Variants in AUTS2 observed in about 807,000 individuals in gnomAD.
AUTS2 encodes autism susceptibility gene 2 protein.
AUTS2 carries 17 observed loss-of-function variants against 112.4 expected under a neutral mutation model. The ratio of observed to expected loss-of-function variants is 0.15; its 90% CI spans 0.10 to 0.23. The LOEUF (loss-of-function observed/expected upper bound fraction) is 0.23, where lower values mean the gene tolerates loss of function less well. AUTS2 is among the 10% of genes least tolerant of loss of function. The probability of loss-of-function intolerance (pLI) is 1.00; values close to 1 mark genes in which losing one functional copy is unlikely to be tolerated. For missense variants in AUTS2, 1,510 were observed against 1,701.6 expected (o/e 0.89, Z 1.98); for synonymous variants, 751 against 702.7 (o/e 1.07, Z -1.09).
In AUTS2 at chr7:70,528,374, A is replaced by G. The variant is rs556465893; in HGVS notation, c.690+92593A>G. ...AGAGCACGCTGAGCAGGTACTGCCT[A>G]TGGAAGTACTGACTCTGACTTCAGA... On this transcript the variant is annotated intron_variant, in intron 5 of 18. Transcript: ENST00000342771. Among the ~76,000 whole-genome samples, 69 of 152,242 alleles carry G rather than the reference A, an allele frequency of 4.5e-4. No individual in the cohort carries two copies. The East Asian group carries it at 6.2e-3, about 14-fold the overall frequency.
At chr7:70,535,750 A>G (rs1800291680) in intron 5 of AUTS2, among the ~76,000 whole-genome samples, 1 of 152,198 alleles carries the variant, frequency 6.6e-6, no homozygotes, top group African/African-American at 2.4e-5. Flanking sequence ...GTTATAGGCC[A>G]GTGGTGATCT....
chr7:70,754,137 G>A (rs1299672793), intron 6 of AUTS2, among the ~76,000 whole-genome samples: 1 of 151,992 alleles, frequency 6.6e-6, no homozygotes, highest in Non-Finnish European at 1.5e-5. Context: ...CTCCAGCCTG[G>A]GCGACAGAGC....
intron 1 of AUTS2, among the ~76,000 whole-genome samples, chr7:69,681,831 C>T (rs1409313189): frequency 6.6e-6 from 1 of 152,054 alleles, no homozygotes; most frequent in Non-Finnish European, 1.5e-5. Flanking sequence ...TAAATGTCTC[C>T]TTTTTCTTTT....
At chr7:69,879,120 C>CTGTGTGTGTGTG (rs5884770) in intron 1 of AUTS2, among the ~76,000 whole-genome samples, 12 of 147,818 alleles carry the variant, frequency 8.1e-5, no homozygotes, top group African/African-American at 2.7e-4. Context: ...TTGAGACTTT[C>CTGTGTGTGTGTG]TGTGTGTGTG....
chr7:70,354,766 G>A (rs766137696), intron 4 of AUTS2, among the ~76,000 whole-genome samples: 6 of 152,116 alleles, frequency 3.9e-5, no homozygotes, highest in African/African-American at 9.7e-5. Context: ...ATAAAATAGC[G>A]TAAAATGTCT....
intron 4 of AUTS2, among the ~76,000 whole-genome samples, chr7:70,183,172 G>A (rs1284610017): frequency 6.6e-6 from 1 of 152,062 alleles, no homozygotes; most frequent in Non-Finnish European, 1.5e-5. Context: ...ACTTGATGAT[G>A]TGCAATTTAT....
At chr7:70,609,591 TTG>T (rs1803970992) in intron 5 of AUTS2, among the ~76,000 whole-genome samples, 1 of 137,736 alleles carries the variant, frequency 7.3e-6, no homozygotes, top group African/African-American at 3.1e-5. Context: ...TTTTTTTTTT[TTG>T]TTGTTTTGTT....
chr7:70,066,491 G>C (rs981723983), intron 2 of AUTS2, among the ~76,000 whole-genome samples: 1 of 149,808 alleles, frequency 6.7e-6, no homozygotes, highest in Non-Finnish European at 1.5e-5. Flanking sequence ...TTATGTCCTA[G>C]TAAAAGTTTA....
At chr7:70,617,532 G>T (rs1457326114) in intron 5 of AUTS2, among the ~76,000 whole-genome samples, 1 of 151,986 alleles carries the variant, frequency 6.6e-6, no homozygotes, top group Non-Finnish European at 1.5e-5. Flanking sequence ...GCGTGGTGGC[G>T]GGCGCCTGTA....
At chr7:70,607,719 A>G (rs905252101) in intron 5 of AUTS2, among the ~76,000 whole-genome samples, 1 of 152,252 alleles carries the variant, frequency 6.6e-6, no homozygotes, top group Non-Finnish European at 1.5e-5. Context: ...CCATGTGATT[A>G]AGCTTATATG....
intron 2 of AUTS2, among the ~76,000 whole-genome samples, chr7:70,035,113 C>G (rs982233400): frequency 1.3e-5 from 2 of 152,178 alleles, no homozygotes; most frequent in African/African-American, 4.8e-5. Flanking sequence ...CTATAGAAAA[C>G]AGAACATTTG....
At position 70,582,166 on chromosome 7, in the gene AUTS2, G is replaced by C. The variant is rs537050926; in HGVS notation, c.691-116403G>C. 2.6e-5 allele frequency among the ~76,000 whole-genome samples: 4 copies of C among 152,066 alleles called. No individual in the cohort carries two copies. In the South Asian group the frequency reaches 6.3e-4, roughly 24 times the overall value. ...AAGAAAGGAAATTATAGAATTAATG[G>C]AATTTTATGAAGTTGGGGGTTTTCT... On this transcript the variant is annotated intron_variant, in intron 5 of 18. Coordinates refer to ENST00000342771, the MANE Select transcript of AUTS2 (RefSeq NM_015570.4).
intron 1 of AUTS2, among the ~76,000 whole-genome samples, chr7:69,675,090 G>C (rs537676612): frequency 1.7e-4 from 26 of 152,246 alleles, no homozygotes; most frequent in Admixed American, 3.3e-4. Flanking sequence ...TTTCACTTTG[G>C]CAACAAGACA....
chr7:70,654,153 A>G (rs781536700), intron 5 of AUTS2, among the ~76,000 whole-genome samples: 1 of 152,328 alleles, frequency 6.6e-6, no homozygotes, highest in Admixed American at 6.5e-5. Context: ...GAAATATGAT[A>G]GTCCTCTACT....
In AUTS2 at chr7:70,735,669, A is replaced by G. The variant is rs1028024609; in HGVS notation, c.743-27201A>G. 2.0e-5 allele frequency among the ~76,000 whole-genome samples: 3 copies of G among 152,106 alleles called. No individual in the cohort carries two copies. The South Asian group carries it at 6.2e-4, about 32-fold the overall frequency. ...GTGTTGGCTCTACTGTGGTGCTTTA[A>G]TGTTTCCTGAAATCCTCCATTTGGA... On this transcript the variant is annotated intron_variant, in intron 6 of 18. Transcript: ENST00000342771.
At chr7:69,982,561 C>T (rs1191081172) in intron 2 of AUTS2, among the ~76,000 whole-genome samples, 1 of 152,170 alleles carries the variant, frequency 6.6e-6, no homozygotes, top group Admixed American at 6.5e-5. Context: ...AAATGCAAGG[C>T]ATGCCTGCTA....
At chr7:70,654,321 C>G (rs1023982609) in intron 5 of AUTS2, among the ~76,000 whole-genome samples, 1 of 152,200 alleles carries the variant, frequency 6.6e-6, no homozygotes, top group African/African-American at 2.4e-5. Context: ...GTCTCTGTAG[C>G]AACTACCCAA....
At position 70,573,641 on chromosome 7, in the gene AUTS2, C is replaced by T. The variant is rs917119574; in HGVS notation, c.691-124928C>T. 3.3e-5 allele frequency among the ~76,000 whole-genome samples: 5 copies of T among 152,126 alleles called. No homozygotes were observed. In the South Asian group the frequency reaches 6.2e-4, roughly 19 times the overall value. ...GACCCAACAATATCAAGGATTGCCA[C>T]GGTTCATATTGGGATAATCATTTTA... is the stretch of plus-strand genomic sequence containing the variant. On this transcript the variant is annotated intron_variant, in intron 5 of 18. Coordinates refer to ENST00000342771, the MANE Select transcript of AUTS2 (RefSeq NM_015570.4).
At chr7:70,129,795 G>A (rs898870782) in intron 3 of AUTS2, among the ~76,000 whole-genome samples, 4 of 152,036 alleles carry the variant, frequency 2.6e-5, no homozygotes, top group Admixed American at 6.6e-5. Context: ...TGGAAGTGAC[G>A]TAGCATTTTT....
Sources: allele counts gnomAD v4.1 joint callset (sites outside exome capture counted in the v4.1 genomes callset), GRCh38; gene constraint gnomAD v4.1.1; transcripts MANE v1.5; gene names NCBI Gene and HGNC (gene_info 2026-07-23, HGNC 2026-07-21).